The following RIPOR2 variants were observed in gnomAD, a reference collection of about 807,000 sequenced individuals.
RIPOR2 encodes the protein rho family-interacting cell polarization regulator 2.
A neutral mutation model predicts 114.5 loss-of-function variants in RIPOR2; 39 were observed. The ratio of observed to expected loss-of-function variants is 0.34; its 90% CI spans 0.26 to 0.44. The LOEUF (loss-of-function observed/expected upper bound fraction) is 0.44. Among genes scored for constraint, RIPOR2 ranks in the 20% least tolerant of loss-of-function variants. The pLI, the probability that RIPOR2 is intolerant of heterozygous loss-of-function variation, is 1.00. For synonymous variants in RIPOR2, 445 were observed against 484.4 expected (o/e 0.92, Z 1.07); for missense variants, 1,007 against 1,255.1 (o/e 0.80, Z 2.99).
At chr6:25,018,315 A>C (rs2113702385) in intron 1 of RIPOR2, among the ~76,000 whole-genome samples, 1 of 152,348 alleles carries the variant, frequency 6.6e-6, no homozygotes, top group Non-Finnish European at 1.5e-5. Flanking sequence ...AAACATAAAG[A>C]AAATGTTTTA....
At chr6:24,915,301 T>A (rs1176959796) in intron 1 of RIPOR2, among the ~76,000 whole-genome samples, 1 of 152,086 alleles carries the variant, frequency 6.6e-6, no homozygotes, top group Non-Finnish European at 1.5e-5. Context: ...ATTGCTCACG[T>A]CTATTGAATT....
At chr6:24,916,622 C>A (rs977430416) in intron 1 of RIPOR2, among the ~76,000 whole-genome samples, 1 of 152,148 alleles carries the variant, frequency 6.6e-6, no homozygotes, top group South Asian at 2.1e-4. Flanking sequence ...ATATTTCAAC[C>A]CGACAAGTGA....
chr6:24,933,485 A>G (rs1771547476), intron 1 of RIPOR2, among the ~76,000 whole-genome samples: 1 of 152,032 alleles, frequency 6.6e-6, no homozygotes, highest in Admixed American at 6.6e-5. Context: ...GCAGCTGGAC[A>G]TGCTTTCACA....
At chr6:24,806,502 C>T in intron 21 of RIPOR2, 29 bp from the exon 22 acceptor site, 1 of 1,422,550 alleles carries the variant, frequency 7.0e-7, no homozygotes, top group Non-Finnish European at 9.5e-7. Context: ...ACATGAATAC[C>T]AATTCAAACA....
intron 1 of RIPOR2, among the ~76,000 whole-genome samples, chr6:25,018,084 T>C (rs1181925941): frequency 1.3e-5 from 2 of 152,192 alleles, no homozygotes; most frequent in East Asian, 3.8e-4. Flanking sequence ...ACTGTATCAG[T>C]TTCCTGTGAC....
intron 1 of RIPOR2, among the ~76,000 whole-genome samples, chr6:24,970,714 T>C (rs142612438): frequency 3.2e-4 from 49 of 152,232 alleles, no homozygotes; most frequent in Middle Eastern, 6.8e-3. Flanking sequence ...GGGGAAAGGG[T>C]CAGAGATTCT....
chr6:24,998,615 A>ACTG (rs1338430862), intron 1 of RIPOR2, among the ~76,000 whole-genome samples: 1 of 152,182 alleles, frequency 6.6e-6, no homozygotes, highest in Non-Finnish European at 1.5e-5. Context: ...CAAAATGCAA[A>ACTG]CTGCTTACCA....
intron 14 of RIPOR2, among the ~76,000 whole-genome samples, chr6:24,836,832 T>A (rs10686520): frequency 0.58 from 70,550 of 120,798 alleles, 16,980 homozygotes; most frequent in East Asian, 0.8. Flanking sequence ...ACACACACAC[T>A]CTCTCTCTCT....
chr6:24,963,090 T>A (rs1386281464), intron 1 of RIPOR2, among the ~76,000 whole-genome samples: 1 of 152,204 alleles, frequency 6.6e-6, no homozygotes, highest in Non-Finnish European at 1.5e-5. Flanking sequence ...CAGGCTGGAA[T>A]ACAATGGCGC....
At chr6:25,031,717 A>G (rs1439770908) in intron 1 of RIPOR2, among the ~76,000 whole-genome samples, 1 of 93,878 alleles carries the variant, frequency 1.1e-5, no homozygotes, top group Non-Finnish European at 2.1e-5. Flanking sequence ...ATATATATAT[A>G]TATATATATA....
In RIPOR2 at chr6:24,830,582, G is replaced by A; in HGVS notation, c.2433C>T (p.Asp811=). The A allele has an allele frequency of 6.4e-7, 1 of 1,551,516 alleles. No homozygotes were observed. The highest frequency in any genetic ancestry group is 8.7e-7 in the Non-Finnish European group (1 of 1,146,962). ...SPVGVYHSPA[D]RVMKQLEASF... is the part of the protein sequence containing the mutation. ...TGGCCTCCAGCTGCTTCATCACTCTGTCCGCTGGGCTGTGGTAGACACCAA... is the reference window on the plus strand; with the variant it reads ...TGGCCTCCAGCTGCTTCATCACTCTATCCGCTGGGCTGTGGTAGACACCAA... The change falls in exon 17 of 22, where the codon GAC becomes GAT. Residue 811 remains aspartate, a synonymous_variant. Transcript: ENST00000643898.
intron 13 of RIPOR2, 85 bp from the exon 14 acceptor site, chr6:24,839,357 AC>A (rs1466540673): frequency 1.4e-5 from 20 of 1,445,210 alleles, no homozygotes; most frequent in African/African-American, 2.9e-5. Flanking sequence ...GAGATGCCAC[AC>A]TTTTTTTTTT....
At chr6:24,968,023 C>T (rs1773610896) in intron 1 of RIPOR2, among the ~76,000 whole-genome samples, 1 of 149,338 alleles carries the variant, frequency 6.7e-6, no homozygotes, top group Admixed American at 6.8e-5. Context: ...AATGATTCTT[C>T]TGCCTCAGCC....
At chr6:24,939,832 A>C (rs1470718779), upstream of RIPOR2, among the ~76,000 whole-genome samples, 1 of 152,230 alleles carries the variant, frequency 6.6e-6, no homozygotes, top group Non-Finnish European at 1.5e-5. Context: ...ACTTTGATCA[A>C]ATGGTGATTT....
chr6:24,835,561 T>G, intron 15 of RIPOR2, 142 bp downstream of exon 15: 1 of 916,510 alleles, frequency 1.1e-6, no homozygotes, highest in Non-Finnish European at 1.6e-6. Context: ...CCCATCAGAG[T>G]TTTTGACTTG....
chr6:24,848,282 T>A, intron 11 of RIPOR2, 128 bp from the exon 12 acceptor site: 1 of 910,266 alleles, frequency 1.1e-6, no homozygotes, highest in Non-Finnish European at 1.6e-6. Context: ...TGGGCTGGTT[T>A]TAGCTAAACT....
At chr6:25,005,893 A>T (rs979506995) in intron 1 of RIPOR2, among the ~76,000 whole-genome samples, 11 of 151,556 alleles carry the variant, frequency 7.3e-5, no homozygotes, top group African/African-American at 2.4e-4. Context: ...TTCGTTTCAA[A>T]AGTGTTCTCA....
intron 1 of RIPOR2, among the ~76,000 whole-genome samples, chr6:25,012,462 G>A (rs898002723): frequency 1.1e-4 from 17 of 152,086 alleles, no homozygotes; most frequent in Non-Finnish European, 2.2e-4. Flanking sequence ...TAGCCAAAAA[G>A]AAACAACCTA....
At chr6:24,912,458 G>GCC (rs34377259) in intron 1 of RIPOR2, among the ~76,000 whole-genome samples, 10 of 130,196 alleles carry the variant, frequency 7.7e-5, no homozygotes, top group Admixed American at 4.6e-4. Context: ...AAGATCCCTT[G>GCC]CCCCCCCCCT....
Sources: gnomAD v4.1 joint callset for allele counts (sites outside exome capture counted in the v4.1 genomes callset) on GRCh38, gnomAD v4.1.1 for gene constraint, MANE v1.5 for transcripts, NCBI Gene and HGNC (gene_info 2026-07-23, HGNC 2026-07-21) for gene names.